The following PRMT7 variants were observed in gnomAD, a reference collection of about 807,000 sequenced individuals.
PRMT7 encodes protein arginine N-methyltransferase 7.
A neutral mutation model predicts 85.4 loss-of-function variants in PRMT7; 75 were observed. That is an observed-to-expected ratio of 0.88 (90% confidence interval 0.73 to 1.06). The LOEUF (loss-of-function observed/expected upper bound fraction) is 1.06, where lower values mean the gene tolerates loss of function less well. Ranked by LOEUF, PRMT7 falls within the 50% of genes least tolerant of loss-of-function variation. The pLI, the probability that PRMT7 is intolerant of heterozygous loss-of-function variation, is 0.00. For missense variants in PRMT7, 868 were observed against 915.2 expected (o/e 0.95, Z 0.67); for synonymous variants, 397 against 359.5 (o/e 1.10, Z -1.18).
intron 9 of PRMT7, among the ~76,000 whole-genome samples, chr16:68,341,095 C>T (rs528681173): frequency 3.5e-4 from 53 of 152,298 alleles, no homozygotes; most frequent in South Asian, 2.7e-3. Context: ...GGAATGGGGA[C>T]TGGAGGTTAG....
chr16:68,313,542 T>C (rs2044257369), intron 2 of PRMT7, among the ~76,000 whole-genome samples: 1 of 152,106 alleles, frequency 6.6e-6, no homozygotes, highest in Non-Finnish European at 1.5e-5. Context: ...ACCCCCTCCT[T>C]CTCCTCCTGC....
chr16:68,354,917 T>G (rs1258466844), intron 16 of PRMT7: 1 of 152,352 alleles, frequency 6.6e-6, no homozygotes, highest in Non-Finnish European at 1.5e-5. Flanking sequence ...TGGCGCCACT[T>G]CACACGACCA....
At chr16:68,348,631 CTTTTTTTTTTTTT>C (rs56041186) in intron 14 of PRMT7, among the ~76,000 whole-genome samples, 200 bp downstream of exon 14, 22 of 67,642 alleles carry the variant, frequency 3.3e-4, no homozygotes, top group East Asian at 6.1e-4. Flanking sequence ...TTGCACTGCT[CTTTTTTTTTTTTT>C]TTTTTTTTTT....
chr16:68,330,492 A>G (rs1256482919), intron 6 of PRMT7, among the ~76,000 whole-genome samples: 1 of 152,154 alleles, frequency 6.6e-6, no homozygotes. Context: ...ATGCAGTATC[A>G]TTCTGAATTG....
intron 9 of PRMT7, among the ~76,000 whole-genome samples, chr16:68,342,863 G>A (rs544781689): frequency 7.7e-4 from 117 of 152,292 alleles, no homozygotes; most frequent in Middle Eastern, 3.4e-3. Flanking sequence ...TTGGCACCGC[G>A]TCACATTCTT....
chr16:68,328,927 A>T (rs1409754130), intron 5 of PRMT7, 139 bp from the exon 6 acceptor site: 1 of 584,980 alleles, frequency 1.7e-6, no homozygotes, highest in Non-Finnish European at 3.0e-6. Context: ...GCCCTTTTTC[A>T]TGATGCACAT....
intron 14 of PRMT7, among the ~76,000 whole-genome samples, chr16:68,349,219 T>G (rs998173918): frequency 6.6e-6 from 1 of 152,118 alleles, no homozygotes; most frequent in Admixed American, 6.5e-5. Flanking sequence ...CGCTTTCCCC[T>G]CACCTTCCTG....
intron 7 of PRMT7, 49 bp from the exon 8 acceptor site, chr16:68,339,273 G>A: frequency 6.8e-6 from 11 of 1,607,332 alleles, no homozygotes; most frequent in Non-Finnish European, 9.4e-6. Flanking sequence ...AATTACTGTG[G>A]GTCTAAGCAT....
intron 9 of PRMT7, among the ~76,000 whole-genome samples, chr16:68,344,933 T>TACACACACACACATAC (rs2086100255): frequency 7.6e-6 from 1 of 131,164 alleles, no homozygotes; most frequent in South Asian, 2.5e-4. Flanking sequence ...CCTGCATCTC[T>TACACACACACACATAC]ACACACACAC....
chr16:68,340,729 G>A (rs1370536212), intron 9 of PRMT7, among the ~76,000 whole-genome samples: 1 of 152,192 alleles, frequency 6.6e-6, no homozygotes. Flanking sequence ...AACGTTTCAG[G>A]TAGAAAGCAA....
At chr16:68,323,351 T>G (rs1014092662) in intron 4 of PRMT7, among the ~76,000 whole-genome samples, 1 of 151,898 alleles carries the variant, frequency 6.6e-6, no homozygotes, top group Non-Finnish European at 1.5e-5. Flanking sequence ...CCCAAGTAGC[T>G]GGGGTTACAG....
At position 68,321,578 on chromosome 16, in the gene PRMT7, G is replaced by A. The variant is rs2082503631; in HGVS notation, c.132+116G>A. The A allele has an allele frequency of 1.0e-5, 10 of 966,830 alleles. No homozygotes were observed. In the Admixed American group the frequency reaches 1.0e-4, roughly 10 times the overall value. 59.9% of individuals were successfully genotyped at this position (966,830 alleles called of 1,614,324 possible). On this transcript the variant is annotated intron_variant, in intron 4 of 18. Coordinates refer to ENST00000441236, the MANE Select transcript of PRMT7 (RefSeq NM_019023.5). ...TAAATGATACTGAGAGGCGTATGGTGTAGAAGTCAGGAAATCAGTTGGGAG... is the reference window on the plus strand; with the variant it reads ...TAAATGATACTGAGAGGCGTATGGTATAGAAGTCAGGAAATCAGTTGGGAG...
At chr16:68,332,259 G>C (rs2084008621) in intron 6 of PRMT7, among the ~76,000 whole-genome samples, 1 of 152,106 alleles carries the variant, frequency 6.6e-6, no homozygotes, top group African/African-American at 2.4e-5. Context: ...CCTTTGCATT[G>C]TAGGATGTTT....
intron 14 of PRMT7, 77 bp downstream of exon 14, chr16:68,348,508 A>AC: frequency 8.3e-7 from 1 of 1,202,616 alleles, no homozygotes; most frequent in Non-Finnish European, 1.2e-6. Flanking sequence ...CCCAGGCCCC[A>AC]CCCTGTCCCT....
chr16:68,318,416 A>G (rs1047079918), intron 3 of PRMT7, among the ~76,000 whole-genome samples: 22 of 152,194 alleles, frequency 1.4e-4, no homozygotes, highest in Non-Finnish European at 2.5e-4. Flanking sequence ...AGCCAGGATG[A>G]TCTTGATCTC....
chr16:68,311,663 C>T (rs1351615146), intron 1 of PRMT7: 4 of 152,238 alleles, frequency 2.6e-5, no homozygotes, highest in Non-Finnish European at 2.9e-5. Flanking sequence ...TGCAAAAGTG[C>T]TTCGGTCGCT....
chr16:68,319,929 G>T (rs1028808845), intron 3 of PRMT7, among the ~76,000 whole-genome samples: 1 of 152,188 alleles, frequency 6.6e-6, no homozygotes, highest in African/African-American at 2.4e-5. Flanking sequence ...AATTACTGCA[G>T]TAGGAAATAT....
downstream of PRMT7, chr16:68,360,207 C>G (rs2089168245): frequency 6.6e-6 from 1 of 152,542 alleles, no homozygotes; most frequent in African/African-American, 2.4e-5. Context: ...TGGTCCCGAA[C>G]CAGAGAGGTG....
chr16:68,329,828 A>G (rs994952456), intron 6 of PRMT7, among the ~76,000 whole-genome samples: 4 of 151,730 alleles, frequency 2.6e-5, no homozygotes, highest in African/African-American at 7.3e-5. Flanking sequence ...AACATGAACA[A>G]TTTTCCTGTA....
Sources: gnomAD v4.1 joint callset for allele counts (sites outside exome capture counted in the v4.1 genomes callset) on GRCh38, gnomAD v4.1.1 for gene constraint, MANE v1.5 for transcripts, NCBI Gene and HGNC (gene_info 2026-07-23, HGNC 2026-07-21) for gene names.